Variants in CLTCL1 observed in about 807,000 individuals in gnomAD.
The protein encoded by CLTCL1 is clathrin heavy chain like 1.
Under a neutral mutation model 190.0 loss-of-function variants are expected in CLTCL1, and 159 were observed. The ratio of observed to expected loss-of-function variants is 0.84; its 90% CI spans 0.74 to 0.95. The LOEUF (loss-of-function observed/expected upper bound fraction) is 0.95, where lower values mean the gene tolerates loss of function less well. Among genes scored for constraint, CLTCL1 ranks in the 40% least tolerant of loss-of-function variants. The pLI, the probability that CLTCL1 is intolerant of heterozygous loss-of-function variation, is 0.00. For missense variants in CLTCL1, 1,878 were observed against 2,033.4 expected (o/e 0.92, Z 1.47); for synonymous variants, 752 against 769.6 (o/e 0.98, Z 0.38).
At chr22:19,230,395 C>T (rs576017736) in intron 10 of CLTCL1, among the ~76,000 whole-genome samples, 70 of 152,234 alleles carry the variant, frequency 4.6e-4, no homozygotes, top group African/African-American at 1.6e-3. Flanking sequence ...TAAGCCACTG[C>T]GCCCGGCCCC....
rs1020415025 is a variant in CLTCL1, at chr22:19,221,602, C to A, written c.2571G>T (p.Leu857=). 3.2e-6 allele frequency: 5 copies of A among 1,583,188 alleles called. No homozygotes were observed. Among genetic ancestry groups the A allele is most frequent in the Non-Finnish European group, 2.6e-6 (3 of 1,164,046 alleles). The change falls in exon 17 of 33, where the codon CTG becomes CTT. Residue 857 remains leucine (L), a synonymous_variant. Coordinates refer to ENST00000427926, the MANE Select transcript of CLTCL1 (RefSeq NM_007098.4). ...TCTGGGACTCCAGCCAGGGAAGCAG[C>A]AGCTTGAGCCTTTGAAAGAAGGAAG... is the stretch of plus-strand genomic sequence containing the variant. ...AEVEKRNRLK[L]LLPWLESQIQ... is the part of the protein sequence containing the mutation.
Position 19,234,573 on chromosome 22 carries a change from A to C in CLTCL1, c.1103T>G (p.Phe368Cys), listed in dbSNP as rs1555960964. ...AGAEKLFVRKFNTLFAQGSYA... is the reference protein window; with the variant it reads ...AGAEKLFVRKCNTLFAQGSYA... ...GCTGCCCTGTGCAAAGAGGGTATTG[A>C]ATTTTCTCACAAACAACTTCTCTGC... The change falls in exon 7 of 33, where the codon TTC becomes TGC. Residue 368 changes from phenylalanine (F) to cysteine (C), a missense_variant. Transcript: ENST00000427926. 16 of 1,613,852 alleles carry C rather than the reference A, an allele frequency of 9.9e-6. No individual in the cohort carries two copies. Among genetic ancestry groups the C allele is most frequent in the Non-Finnish European group, 1.2e-5 (14 of 1,179,894 alleles).
chr22:19,227,217 G>C (rs1461777844), intron 11 of CLTCL1, among the ~76,000 whole-genome samples: 1 of 151,660 alleles, frequency 6.6e-6, no homozygotes, highest in Non-Finnish European at 1.5e-5. Context: ...ACTAGGAGTT[G>C]GGGATTGCAT....
chr22:19,249,326 T>G (rs2086517610), intron 3 of CLTCL1, among the ~76,000 whole-genome samples: 1 of 151,814 alleles, frequency 6.6e-6, no homozygotes, highest in African/African-American at 2.4e-5. Context: ...GCCACTGCAC[T>G]CCAGCCTCAG....
At chr22:19,202,553 A>ACGGCACC (rs2084930447) in intron 22 of CLTCL1, among the ~76,000 whole-genome samples, 2 of 72,800 alleles carry the variant, frequency 2.7e-5, no homozygotes, top group Non-Finnish European at 5.0e-5. Flanking sequence ...TCTGTCATCC[A>ACGGCACC]TGGCACCTCC....
intron 1 of CLTCL1, among the ~76,000 whole-genome samples, chr22:19,279,545 C>T (rs1371386409): frequency 6.6e-6 from 1 of 152,178 alleles, no homozygotes; most frequent in Non-Finnish European, 1.5e-5. Flanking sequence ...ACATGAATAC[C>T]TGCAATCAAT....
At position 19,199,822 on chromosome 22, in the gene CLTCL1, T is replaced by C; in HGVS notation, c.3785A>G (p.Asp1262Gly). The change falls in exon 24 of 33, where the codon GAT becomes GGT. Residue 1262 changes from aspartate to glycine, a missense_variant. By Grantham distance (94) the Asp-to-Gly change is moderately conservative (BLOSUM62 -1). Coordinates refer to ENST00000427926, the MANE Select transcript of CLTCL1 (RefSeq NM_007098.4). ...TWKEVCFACM[D>G]GQEFRFAQLC... The stretch of plus-strand genomic sequence containing the variant: ...CTGTGCGAAGCGGAACTCTTGTCCA[T>C]CCATGCAGGCAAAGCACACCTAGGG... 2 of 1,595,324 alleles carry C rather than the reference T, an allele frequency of 1.3e-6. No homozygotes were observed. Among genetic ancestry groups the C allele is most frequent in the Non-Finnish European group, 1.7e-6 (2 of 1,171,358 alleles).
chr22:19,224,118 G>A (rs2085664304), intron 13 of CLTCL1, 64 bp from the exon 14 acceptor site: 1 of 1,561,926 alleles, frequency 6.4e-7, no homozygotes, highest in African/African-American at 1.4e-5. Context: ...CGTAGCTGCT[G>A]CCCACCTTCC....
intron 29 of CLTCL1, 104 bp downstream of exon 29, chr22:19,187,454 C>T: frequency 8.2e-7 from 1 of 1,212,890 alleles, no homozygotes; most frequent in Non-Finnish European, 1.2e-6. Flanking sequence ...TGGTGAAGCT[C>T]AGAGCCAGGT....
At chr22:19,196,131 G>A in intron 26 of CLTCL1, 135 bp downstream of exon 26, 1 of 833,664 alleles carries the variant, frequency 1.2e-6, no homozygotes, top group East Asian at 2.7e-5. Context: ...GAGGGTGGTG[G>A]ACTCATACAA....
At position 19,235,760 on chromosome 22, in the gene CLTCL1, G is replaced by A. The variant is rs1555961734; in HGVS notation, c.905C>T (p.Thr302Ile). The A allele has an allele frequency of 1.9e-6, 3 of 1,613,964 alleles. No individual in the cohort carries two copies. The highest frequency in any genetic ancestry group is 2.2e-5 in the South Asian group (2 of 91,078). Residue 302 changes from threonine (T) to isoleucine (I), a missense_variant, in exon 6 of 33, where the codon ACA becomes ATA. Thr to Ile is a moderately conservative substitution (Grantham distance 89, BLOSUM62 -1). Transcript: ENST00000427926. ...CICMNRISAD[T>I]IFVTAPHKPT... Reference sequence around the variant, plus strand: ...TTTGTGTGGAGCAGTGACAAATATTGTGTCAGCACTAATACGGTTCATGCA... The same window carrying A: ...TTTGTGTGGAGCAGTGACAAATATTATGTCAGCACTAATACGGTTCATGCA...
chr22:19,200,070 A>C (rs1555938301), intron 23 of CLTCL1, among the ~76,000 whole-genome samples: 1 of 152,178 alleles, frequency 6.6e-6, no homozygotes, highest in African/African-American at 2.4e-5. Context: ...GAAAGAATAA[A>C]GTTTGTGCAT....
intron 26 of CLTCL1, 110 bp from the exon 27 acceptor site, chr22:19,191,545 A>C: frequency 3.0e-6 from 4 of 1,330,792 alleles, no homozygotes; most frequent in Non-Finnish European, 4.2e-6. Flanking sequence ...TGCCATGACT[A>C]CCCCCTATAA....
chr22:19,291,558 G>A (rs1601764164), intron 1 of CLTCL1, 42 bp downstream of exon 1: 29 of 1,330,100 alleles, frequency 2.2e-5, no homozygotes, highest in Non-Finnish European at 2.6e-5. Flanking sequence ...GCCCGGCGGA[G>A]GCGCGGCTGA....
chr22:19,186,965 G>A (rs1555928620), intron 29 of CLTCL1, among the ~76,000 whole-genome samples: 1 of 150,960 alleles, frequency 6.6e-6, no homozygotes, highest in East Asian at 1.9e-4. Flanking sequence ...TGGAGACAGG[G>A]TCTCACTCTG....
chr22:19,215,338 C>G (rs1447719159), intron 19 of CLTCL1, among the ~76,000 whole-genome samples: 2 of 152,222 alleles, frequency 1.3e-5, no homozygotes, highest in Non-Finnish European at 2.9e-5. Flanking sequence ...CAAAATAAAT[C>G]TCATAACTAA....
chr22:19,235,840 C>A lies in CLTCL1; in HGVS notation c.825G>T (p.Leu275Phe). The A allele has an allele frequency of 1.2e-6, 2 of 1,613,834 alleles. No individual in the cohort carries two copies. The highest frequency in any genetic ancestry group is 1.1e-5 in the South Asian group (1 of 91,038). The change falls in exon 6 of 33, where the codon TTG becomes TTT. Residue 275 changes from leucine (L) to phenylalanine (F), a missense_variant. Coordinates refer to ENST00000427926, the MANE Select transcript of CLTCL1 (RefSeq NM_007098.4). ...GATGAAGATAGCCATACTTTGTGAT[C>A]AAGTAAATAACACCATGTTTAGCTC... The part of the protein sequence containing the change: ...QIGAKHGVIY[L>F]ITKYGYLHLY...
intron 2 of CLTCL1, among the ~76,000 whole-genome samples, chr22:19,264,340 C>T (rs1431531100): frequency 6.6e-6 from 1 of 151,548 alleles, no homozygotes; most frequent in East Asian, 1.9e-4. Flanking sequence ...CTGTGCACTA[C>T]TGAGAATATA....
chr22:19,290,141 T>A (rs1555992499), intron 1 of CLTCL1, among the ~76,000 whole-genome samples: 1 of 152,214 alleles, frequency 6.6e-6, no homozygotes, highest in Non-Finnish European at 1.5e-5. Context: ...GAAACTCTGA[T>A]GGACACCTAA....
Sources: allele counts gnomAD v4.1 joint callset (sites outside exome capture counted in the v4.1 genomes callset), GRCh38; gene constraint gnomAD v4.1.1; transcripts MANE v1.5; gene names NCBI Gene and HGNC (gene_info 2026-07-23, HGNC 2026-07-21).